ANO2: variants seen among roughly 807,000 people sequenced by gnomAD.
ANO2 encodes anoctamin 2, also known as anoctamin-2.
ANO2 carries 101 observed loss-of-function variants against 124.2 expected under a neutral mutation model. The observed-to-expected ratio is 0.81, with a 90% CI of 0.69 to 0.96. The LOEUF is 0.96. Among genes scored for constraint, ANO2 ranks in the 40% least tolerant of loss-of-function variants. The probability of loss-of-function intolerance (pLI) is 0.00; values close to 1 mark genes in which losing one functional copy is unlikely to be tolerated. For missense variants in ANO2, 1,293 were observed against 1,274.5 expected, an observed-to-expected ratio of 1.01 and a Z score of -0.22; for synonymous variants, 486 against 482.5, an observed-to-expected ratio of 1.01 and a Z score of -0.09.
chr12:5,759,179 A>T (rs1034339284), intron 10 of ANO2, among the ~76,000 whole-genome samples: 3 of 151,770 alleles, frequency 2.0e-5, no homozygotes, highest in Non-Finnish European at 2.9e-5. Flanking sequence ...ACAAAACACA[A>T]ATCAACAATG....
intron 3 of ANO2, among the ~76,000 whole-genome samples, chr12:5,906,401 C>A (rs921797721): frequency 2.6e-5 from 4 of 151,396 alleles, no homozygotes; most frequent in Admixed American, 2.0e-4. Context: ...GTGACTCACA[C>A]CTGTAATCCC....
At chr12:5,803,929 T>C (rs1053147222) in intron 9 of ANO2, among the ~76,000 whole-genome samples, 1 of 152,056 alleles carries the variant, frequency 6.6e-6, no homozygotes, top group Admixed American at 6.5e-5. Flanking sequence ...GGGGAGAACA[T>C]GGGAACAGCC....
chr12:5,873,993 G>A (rs1030604227), intron 3 of ANO2, among the ~76,000 whole-genome samples: 1 of 152,224 alleles, frequency 6.6e-6, no homozygotes, highest in Admixed American at 6.5e-5. Flanking sequence ...TACTTGGGCA[G>A]ACCAGGATAG....
intron 14 of ANO2, among the ~76,000 whole-genome samples, chr12:5,692,930 C>T (rs16933782): frequency 0.084 from 12,768 of 152,200 alleles, 668 homozygotes; most frequent in African/African-American, 0.13. Context: ...TAATGGGAGA[C>T]GTTAATAACT....
intron 16 of ANO2, among the ~76,000 whole-genome samples, chr12:5,633,464 A>G (rs1945836679): frequency 6.6e-6 from 1 of 152,180 alleles, no homozygotes; most frequent in Non-Finnish European, 1.5e-5. Context: ...TCAGGCCAGG[A>G]AGATGGTACT....
At chr12:5,907,776 C>T (rs1254195517) in intron 3 of ANO2, among the ~76,000 whole-genome samples, 1 of 152,222 alleles carries the variant, frequency 6.6e-6, no homozygotes, top group Non-Finnish European at 1.5e-5. Flanking sequence ...AAAATAGACC[C>T]GGCATGGCTA....
intron 14 of ANO2, among the ~76,000 whole-genome samples, chr12:5,661,682 T>C (rs868554593): frequency 6.6e-6 from 1 of 152,116 alleles, no homozygotes; most frequent in Non-Finnish European, 1.5e-5. Context: ...CTTTAGCTAA[T>C]CCATGGAATC....
In ANO2 at chr12:5,821,204, TA is replaced by T. The variant is rs532215406; in HGVS notation, c.892+6564del. Among the ~76,000 whole-genome samples the T allele has an allele frequency of 2.6e-5, 4 of 152,318 alleles. No individual in the cohort carries two copies. In the South Asian group the frequency reaches 8.3e-4, roughly 32 times the overall value. ...CCAGGGGATGGGAAAAAAATCTGAC[TA>T]AAATTCAGGGAACTTCTACCTCAGT... On this transcript the variant is annotated intron_variant, in intron 7 of 24. Coordinates refer to ENST00000682330, the MANE Select transcript of ANO2 (RefSeq NM_001364791.2).
At chr12:5,596,593 G>A (rs569844372) in intron 20 of ANO2, among the ~76,000 whole-genome samples, 331 of 152,112 alleles carry the variant, frequency 2.2e-3, no homozygotes, top group Non-Finnish European at 3.0e-3. Context: ...TACAATCTTG[G>A]TGTGAGTTCC....
intron 14 of ANO2, among the ~76,000 whole-genome samples, chr12:5,718,309 G>A (rs954298832): frequency 6.6e-6 from 1 of 152,256 alleles, no homozygotes; most frequent in African/African-American, 2.4e-5. Context: ...GACCCCACAT[G>A]ATCAAGGCAG....
chr12:5,775,342 A>G (rs1487524588), intron 10 of ANO2, among the ~76,000 whole-genome samples: 1 of 152,156 alleles, frequency 6.6e-6, no homozygotes, highest in Non-Finnish European at 1.5e-5. Flanking sequence ...TCTCATCTTA[A>G]CCCAAAAGGT....
chr12:5,640,300 G>A (rs1486358675), intron 15 of ANO2, among the ~76,000 whole-genome samples: 1 of 152,150 alleles, frequency 6.6e-6, no homozygotes, highest in Non-Finnish European at 1.5e-5. Flanking sequence ...GATACGGTAG[G>A]TGTCTTTGGC....
intron 14 of ANO2, among the ~76,000 whole-genome samples, chr12:5,727,311 C>T (rs1375161289): frequency 1.3e-5 from 2 of 152,052 alleles, no homozygotes; most frequent in Admixed American, 6.5e-5. Context: ...CCTGCTCCCC[C>T]TTCGCCTTCC....
intron 13 of ANO2, among the ~76,000 whole-genome samples, chr12:5,737,935 T>G (rs182459722): frequency 6.6e-6 from 1 of 152,210 alleles, no homozygotes; most frequent in African/African-American, 2.4e-5. Context: ...GAGTTCATGA[T>G]AGTATTAGCC....
intron 20 of ANO2, among the ~76,000 whole-genome samples, chr12:5,581,015 T>C (rs1942724580): frequency 6.6e-6 from 1 of 152,182 alleles, no homozygotes; most frequent in Non-Finnish European, 1.5e-5. Flanking sequence ...GGAAGCCAGT[T>C]CAAAATGCAG....
Position 5,818,447 on chromosome 12 carries a change from TTATATATATATATATATATATATATATA to T in ANO2, c.892+9294_892+9321del, listed in dbSNP as rs57443240. Among the ~76,000 whole-genome samples the T allele has an allele frequency of 4.0e-4, 33 of 82,948 alleles. 1 individual carries two copies. The East Asian group carries it at 4.8e-3, about 12-fold the overall frequency. 54.4% of individuals were successfully genotyped at this position (82,948 alleles called of 152,430 possible). On this transcript the variant is annotated intron_variant, in intron 7 of 24. Coordinates refer to ENST00000682330, the MANE Select transcript of ANO2 (RefSeq NM_001364791.2). ...TGAGTTAATACTTAATAAACTCATA[TTATATATATATATATATATATATATATA>T]TATATATATATATATATATGGATAT... is the stretch of plus-strand genomic sequence containing the variant.
intron 1 of ANO2, among the ~76,000 whole-genome samples, chr12:5,939,648 G>A (rs1942815640): frequency 6.6e-6 from 1 of 152,254 alleles, no homozygotes; most frequent in Non-Finnish European, 1.5e-5. Context: ...CACCGATGGT[G>A]AAGGATACTA....
intron 13 of ANO2, chr12:5,733,108 C>T (rs1950713034): frequency 5.0e-6 from 3 of 598,920 alleles, no homozygotes; most frequent in African/African-American, 3.7e-5. Flanking sequence ...AAACTCCTTC[C>T]CTGCTCCATT....
chr12:5,638,065 T>C lies in ANO2; in HGVS notation c.1621-2718A>G, dbSNP rs151192820. 2.7e-3 allele frequency among the ~76,000 whole-genome samples: 405 copies of C among 152,202 alleles called. 2 individuals are homozygous for C. The highest frequency in any genetic ancestry group is 9.4e-3 in the African/African-American group (390 of 41,546). On this transcript the variant is annotated intron_variant, in intron 15 of 24. Transcript: ENST00000682330. ...CATCTATGTACAGTCTTTAGTCTCA[T>C]ACATAAGGAAACTGAAGCCCAAGAG...
Sources: allele counts gnomAD v4.1 joint callset (sites outside exome capture counted in the v4.1 genomes callset), GRCh38; gene constraint gnomAD v4.1.1; transcripts MANE v1.5; gene names NCBI Gene and HGNC (gene_info 2026-07-23, HGNC 2026-07-21).